KIF26B: variants seen among roughly 807,000 people sequenced by gnomAD.
The protein encoded by KIF26B is kinesin-like protein KIF26B.
In KIF26B, 63 loss-of-function variants were observed where a neutral mutation model predicts 151.2. The ratio of observed to expected loss-of-function variants is 0.42; its 90% CI spans 0.34 to 0.51. The LOEUF (loss-of-function observed/expected upper bound fraction) is 0.51. KIF26B is among the 20% of genes least tolerant of loss of function. The pLI is 0.07. For synonymous variants in KIF26B, 1,357 were observed against 1,262.1 expected, an observed-to-expected ratio of 1.08 and a Z score of -1.59; for missense variants, 2,813 against 2,913.6, an observed-to-expected ratio of 0.97 and a Z score of 0.79.
intron 2 of KIF26B, among the ~76,000 whole-genome samples, chr1:245,225,033 A>C (rs539664958): frequency 3.9e-5 from 6 of 152,344 alleles, no homozygotes; most frequent in Non-Finnish European, 7.4e-5. Flanking sequence ...CTTCCAGATG[A>C]GTTTCCAAGG....
intron 5 of KIF26B, among the ~76,000 whole-genome samples, chr1:245,541,701 C>T (rs1251544693): frequency 1.3e-5 from 2 of 152,186 alleles, no homozygotes. Flanking sequence ...TGCACACGAC[C>T]TCACTGGTCC....
intron 2 of KIF26B, among the ~76,000 whole-genome samples, chr1:245,221,359 T>C (rs1486647861): frequency 6.8e-6 from 1 of 146,252 alleles, no homozygotes; most frequent in Non-Finnish European, 1.5e-5. Context: ...AGAAGTGGCC[T>C]TTCTCTGAAG....
At position 245,164,329 on chromosome 1, in the gene KIF26B, G is replaced by A. The variant is rs150828131; in HGVS notation, c.465+7646G>A. On this transcript the variant is annotated intron_variant, in intron 2 of 14. Coordinates refer to ENST00000407071, the MANE Select transcript of KIF26B (RefSeq NM_018012.4). ...GGCCACAGTGCATTTTGAAAGATAT[G>A]CTTCTGGATCCAATTTGCTAATATT... Among the ~76,000 whole-genome samples the A allele has an allele frequency of 6.2e-3, 949 of 152,284 alleles. 9 individuals carry two copies. The highest frequency in any genetic ancestry group is 0.022 in the African/African-American group (897 of 41,548).
At position 245,217,662 on chromosome 1, in the gene KIF26B, G is replaced by A. The variant is rs114776123; in HGVS notation, c.465+60979G>A. 3.6e-3 allele frequency among the ~76,000 whole-genome samples: 543 copies of A among 152,160 alleles called. 2 individuals carry two copies. Among genetic ancestry groups the A allele is most frequent in the African/African-American group, 0.012 (515 of 41,528 alleles). On this transcript the variant is annotated intron_variant, in intron 2 of 14. Transcript: ENST00000407071. ...TAGGACTATAGGCATGAGCCACTGC[G>A]CCCGGTCGATTGTTTTATTTTAATA...
rs534771206 is a variant in KIF26B, at chr1:245,696,236, T to C, written c.5825-1870T>C. The stretch of plus-strand genomic sequence containing the variant: ...GCACCTTCTGTGCTGGGTGCCCCTC[T>C]TGCTTTCTTGGGTCATTCCCTCTGG... On this transcript the variant is annotated intron_variant, in intron 12 of 14. Transcript: ENST00000407071. 9.8e-5 allele frequency among the ~76,000 whole-genome samples: 15 copies of C among 152,358 alleles called. No homozygotes were observed. In the South Asian group the frequency reaches 3.1e-3, roughly 32 times the overall value.
intron 2 of KIF26B, among the ~76,000 whole-genome samples, chr1:245,270,994 C>T (rs1670847729): frequency 6.6e-6 from 1 of 152,120 alleles, no homozygotes; most frequent in South Asian, 2.1e-4. Context: ...TTTCCTAGCA[C>T]CACTTTGTGA....
chr1:245,180,314 G>GAGAA (rs1006914201), intron 2 of KIF26B, among the ~76,000 whole-genome samples: 1 of 151,682 alleles, frequency 6.6e-6, no homozygotes, highest in African/African-American at 2.4e-5. Context: ...GAGAGAGAGA[G>GAGAA]AGGAGTGGTT....
At chr1:245,350,322 A>G (rs963698678) in intron 2 of KIF26B, among the ~76,000 whole-genome samples, 6 of 152,114 alleles carry the variant, frequency 3.9e-5, no homozygotes, top group African/African-American at 1.2e-4. Context: ...GTGTTAGTTC[A>G]GGCACCTCTG....
chr1:245,707,465 T>C lies in KIF26B; in HGVS notation c.*4859T>C, dbSNP rs1314320957. Reference sequence around the variant, plus strand: ...TTATGAAGAAGTTCTAATTTATTTGTGAACTCAGGATGTTGCTTTACAGCA... The same window carrying C: ...TTATGAAGAAGTTCTAATTTATTTGCGAACTCAGGATGTTGCTTTACAGCA... On this transcript the variant is annotated 3_prime_UTR_variant, in exon 15 of 15. Transcript: ENST00000407071. 6.6e-6 allele frequency: 1 copy of C among 152,262 alleles called. No individual in the cohort carries two copies. The highest frequency in any genetic ancestry group is 1.5e-5 in the Non-Finnish European group (1 of 68,048). 9.4% of individuals were successfully genotyped at this position (152,262 alleles called of 1,614,324 possible). A position where few individuals can be genotyped will look rare whatever the true frequency, so the allele number is the denominator to read the frequency against.
intron 2 of KIF26B, among the ~76,000 whole-genome samples, chr1:245,356,867 T>G (rs1046167865): frequency 2.0e-5 from 3 of 152,130 alleles, no homozygotes; most frequent in Non-Finnish European, 4.4e-5. Flanking sequence ...TGGGGCTAGT[T>G]TGCAGTATCA....
intron 2 of KIF26B, among the ~76,000 whole-genome samples, chr1:245,255,284 A>G (rs990107646): frequency 2.0e-5 from 3 of 152,216 alleles, no homozygotes; most frequent in Admixed American, 2.0e-4. Flanking sequence ...ATTGTGTTAT[A>G]GCAGCGCAAC....
intron 5 of KIF26B, among the ~76,000 whole-genome samples, chr1:245,583,668 T>A (rs930657412): frequency 7.9e-5 from 12 of 152,108 alleles, no homozygotes; most frequent in African/African-American, 2.9e-4. Context: ...GTGGGTGGTA[T>A]CATAATAAGA....
intron 5 of KIF26B, among the ~76,000 whole-genome samples, chr1:245,570,832 T>G (rs1474439520): frequency 6.6e-6 from 1 of 152,252 alleles, no homozygotes; most frequent in Non-Finnish European, 1.5e-5. Flanking sequence ...TATTTTGTTT[T>G]GTTTTATGTT....
chr1:245,187,667 T>C (rs1416661393), intron 2 of KIF26B, among the ~76,000 whole-genome samples: 3 of 152,186 alleles, frequency 2.0e-5, no homozygotes, highest in Admixed American at 2.0e-4. Context: ...AGAATGTGGA[T>C]TGGAAGGCTC....
chr1:245,546,321 A>G (rs1191519067), intron 5 of KIF26B, among the ~76,000 whole-genome samples: 1 of 152,044 alleles, frequency 6.6e-6, no homozygotes, highest in Non-Finnish European at 1.5e-5. Context: ...GGCTCAAGTG[A>G]TTCTCCTGCC....
chr1:245,308,839 G>T (rs1056516111), intron 2 of KIF26B, among the ~76,000 whole-genome samples: 3 of 152,208 alleles, frequency 2.0e-5, no homozygotes, highest in Non-Finnish European at 4.4e-5. Flanking sequence ...AACAGGTTCA[G>T]TTCTAAGATG....
chr1:245,324,413 T>C (rs1218945076), intron 2 of KIF26B, among the ~76,000 whole-genome samples: 1 of 152,174 alleles, frequency 6.6e-6, no homozygotes. Flanking sequence ...AAGAATTCTT[T>C]CCATGGAAAC....
chr1:245,396,169 CA>C (rs1673833928), intron 3 of KIF26B, among the ~76,000 whole-genome samples: 1 of 152,098 alleles, frequency 6.6e-6, no homozygotes, highest in South Asian at 2.1e-4. Flanking sequence ...AGCCACTAAT[CA>C]AAAACATGGG....
chr1:245,637,780 T>C lies in KIF26B; in HGVS notation c.2099-8341T>C, dbSNP rs1271355483. Among the ~76,000 whole-genome samples the C allele has an allele frequency of 3.9e-5, 6 of 152,084 alleles. No individual in the cohort carries two copies. The East Asian group carries it at 1.2e-3, about 29-fold the overall frequency. Reference sequence around the variant, plus strand: ...ATTGTCTTTTCCCCAATGTATGTTATTGGTGCCTTTGTCAAAAATGAGTTG... The same window carrying C: ...ATTGTCTTTTCCCCAATGTATGTTACTGGTGCCTTTGTCAAAAATGAGTTG... On this transcript the variant is annotated intron_variant, in intron 9 of 14. Transcript: ENST00000407071.
Sources: allele counts gnomAD v4.1 joint callset (sites outside exome capture counted in the v4.1 genomes callset), GRCh38; gene constraint gnomAD v4.1.1; transcripts MANE v1.5; gene names NCBI Gene and HGNC (gene_info 2026-07-23, HGNC 2026-07-21).